The following CNTNAP2 variants were observed in gnomAD, a reference collection of about 807,000 sequenced individuals.
CNTNAP2 encodes contactin associated protein 2.
CNTNAP2 carries 98 observed loss-of-function variants against 155.2 expected under a neutral mutation model. That is an observed-to-expected ratio of 0.63 (90% CI 0.54 to 0.75). The LOEUF (loss-of-function observed/expected upper bound fraction) is 0.75. Among genes scored for constraint, CNTNAP2 ranks in the 30% least tolerant of loss-of-function variants. The probability of loss-of-function intolerance (pLI) is 0.00; values close to 1 mark genes in which losing one functional copy is unlikely to be tolerated. For missense variants in CNTNAP2, 1,727 were observed against 1,688.1 expected (o/e 1.02, Z -0.40); for synonymous variants, 651 against 631.2 (o/e 1.03, Z -0.47).
chr7:147,452,130 A>G (rs958029930), intron 10 of CNTNAP2, among the ~76,000 whole-genome samples: 7 of 152,372 alleles, frequency 4.6e-5, no homozygotes, highest in African/African-American at 1.4e-4. Flanking sequence ...ATGAAATGAC[A>G]TGAGTGTTTT....
intron 10 of CNTNAP2, among the ~76,000 whole-genome samples, chr7:147,420,101 A>G (rs1797264322): frequency 6.6e-6 from 1 of 152,218 alleles, no homozygotes; most frequent in Non-Finnish European, 1.5e-5. Flanking sequence ...GAAACTTGCT[A>G]ATGGAATACA....
chr7:146,391,327 T>C (rs1795541173), intron 1 of CNTNAP2, among the ~76,000 whole-genome samples: 1 of 151,794 alleles, frequency 6.6e-6, no homozygotes, highest in African/African-American at 2.4e-5. Context: ...TGCTGGAGCA[T>C]CGTCAGCACT....
intron 20 of CNTNAP2, among the ~76,000 whole-genome samples, chr7:148,242,098 G>T (rs1248336833): frequency 6.6e-6 from 1 of 152,118 alleles, no homozygotes; most frequent in African/African-American, 2.4e-5. Context: ...AGAACATAAG[G>T]TTCCTGGATT....
intron 1 of CNTNAP2, among the ~76,000 whole-genome samples, chr7:146,231,042 A>ATAAATAAATAAATTAATAAATAAG: frequency 6.6e-6 from 1 of 150,486 alleles, no homozygotes; most frequent in East Asian, 2.0e-4. Flanking sequence ...AAATAAATAA[A>ATAAATAAATAAATTAATAAATAAG]AAGTTAATAT....
chr7:146,619,152 A>T (rs1233755460), intron 1 of CNTNAP2, among the ~76,000 whole-genome samples: 1 of 152,116 alleles, frequency 6.6e-6, no homozygotes, highest in Non-Finnish European at 1.5e-5. Flanking sequence ...AATGACATGA[A>T]ATTTATAGAA....
At chr7:147,492,394 G>A (rs1798625360) in intron 11 of CNTNAP2, among the ~76,000 whole-genome samples, 1 of 152,106 alleles carries the variant, frequency 6.6e-6, no homozygotes. Flanking sequence ...TTACTATACT[G>A]GCTAACTATA....
At chr7:147,281,721 A>G (rs1805039513) in intron 8 of CNTNAP2, among the ~76,000 whole-genome samples, 1 of 152,038 alleles carries the variant, frequency 6.6e-6, no homozygotes, top group Middle Eastern at 3.4e-3. Context: ...CATAGAATAT[A>G]TTCAAGAAGA....
intron 1 of CNTNAP2, among the ~76,000 whole-genome samples, chr7:146,234,897 A>G (rs996718049): frequency 4.6e-5 from 7 of 152,282 alleles, no homozygotes; most frequent in African/African-American, 1.7e-4. Context: ...GTCCTGCTTG[A>G]TTTCCTATTT....
chr7:148,037,403 C>T (rs1269198421), intron 15 of CNTNAP2, among the ~76,000 whole-genome samples: 5 of 152,150 alleles, frequency 3.3e-5, no homozygotes, highest in East Asian at 3.9e-4. Flanking sequence ...ATGTCCAATC[C>T]GCAGCTGTGT....
At chr7:147,489,265 C>A (rs570953351) in intron 11 of CNTNAP2, among the ~76,000 whole-genome samples, 1 of 152,110 alleles carries the variant, frequency 6.6e-6, no homozygotes, top group Non-Finnish European at 1.5e-5. Flanking sequence ...TGAACTGCTC[C>A]CCTGAGGAGC....
chr7:147,288,774 G>A (rs1805238297), intron 8 of CNTNAP2, among the ~76,000 whole-genome samples: 1 of 152,080 alleles, frequency 6.6e-6, no homozygotes, highest in South Asian at 2.1e-4. Context: ...ATGAAGAATT[G>A]TATTCTTTAA....
intron 1 of CNTNAP2, among the ~76,000 whole-genome samples, chr7:146,632,942 C>A (rs1386910328): frequency 2.5e-4 from 36 of 145,062 alleles, no homozygotes; most frequent in South Asian, 4.3e-4. Context: ...AATTGGTAAG[C>A]AAAAAAAAAA....
At chr7:147,002,194 TTAAAAA>T (rs1157930546) in intron 3 of CNTNAP2, among the ~76,000 whole-genome samples, 1 of 151,916 alleles carries the variant, frequency 6.6e-6, no homozygotes, top group Non-Finnish European at 1.5e-5. Flanking sequence ...GTTTTCAGAA[TTAAAAA>T]TAAAAAGAGA....
chr7:147,515,280 C>T (rs1228165129), intron 11 of CNTNAP2, among the ~76,000 whole-genome samples: 2 of 151,700 alleles, frequency 1.3e-5, no homozygotes, highest in Admixed American at 1.3e-4. Flanking sequence ...TTTTCCTTAT[C>T]TCCCTTATCT....
intron 1 of CNTNAP2, among the ~76,000 whole-genome samples, chr7:146,267,385 A>G (rs1161399278): frequency 6.6e-6 from 1 of 152,188 alleles, no homozygotes; most frequent in Admixed American, 6.5e-5. Flanking sequence ...TTCTCTGTGT[A>G]ATTAGAACTG....
intron 3 of CNTNAP2, among the ~76,000 whole-genome samples, chr7:146,988,537 C>G (rs1297876595): frequency 1.3e-5 from 2 of 152,050 alleles, no homozygotes; most frequent in Non-Finnish European, 2.9e-5. Context: ...ACTAAATTCT[C>G]TATTGTCCCC....
intron 21 of CNTNAP2, among the ~76,000 whole-genome samples, chr7:148,292,183 T>G (rs532065336): frequency 6.6e-6 from 1 of 152,172 alleles, no homozygotes; most frequent in Non-Finnish European, 1.5e-5. Context: ...ATTCTATGTA[T>G]AAGAGAGTTG....
chr7:147,163,254 AAAG>A (rs1273714821), intron 8 of CNTNAP2, among the ~76,000 whole-genome samples: 2 of 152,192 alleles, frequency 1.3e-5, no homozygotes, highest in Non-Finnish European at 2.9e-5. Context: ...GCTGTGCATA[AAAG>A]AAGAACAACA....
At chr7:146,651,646 C>T (rs897212682) in intron 1 of CNTNAP2, among the ~76,000 whole-genome samples, 1 of 151,958 alleles carries the variant, frequency 6.6e-6, no homozygotes, top group African/African-American at 2.4e-5. Context: ...TATAGTACAC[C>T]AAGATAAGAA....
Sources: gnomAD v4.1 joint callset for allele counts (sites outside exome capture counted in the v4.1 genomes callset) on GRCh38, gnomAD v4.1.1 for gene constraint, MANE v1.5 for transcripts, NCBI Gene and HGNC (gene_info 2026-07-23, HGNC 2026-07-21) for gene names.